Variants in KRT1 observed in about 807,000 individuals in gnomAD.
KRT1 encodes keratin 1, also known as keratin, type II cytoskeletal 1.
In KRT1, 28 loss-of-function variants were observed where a neutral mutation model predicts 51.6. That is an observed-to-expected ratio of 0.54 (90% confidence interval 0.40 to 0.74). The LOEUF (loss-of-function observed/expected upper bound fraction) is 0.74. Among genes scored for constraint, KRT1 ranks in the 30% least tolerant of loss-of-function variants. The pLI, the probability that KRT1 is intolerant of heterozygous loss-of-function variation, is 0.00. For missense variants in KRT1, 783 were observed against 815.5 expected, an observed-to-expected ratio of 0.96 and a Z score of 0.49; for synonymous variants, 301 against 307.7, an observed-to-expected ratio of 0.98 and a Z score of 0.23.
chr12:52,675,320 C>T lies in KRT1; in HGVS notation c.1808G>A (p.Gly603Asp), dbSNP rs1266622092. Reference sequence around the variant, plus strand: ...GCCTCCAGAGCTCCCGCCGCCAGAGCCCCGGCCGCCAGAGCTGCCGCCGCC... The same window carrying T: ...GCCTCCAGAGCTCCCGCCGCCAGAGTCCCGGCCGCCAGAGCTGCCGCCGCC... ...GGGGGSSGGR[G>D]SGGGSSGGSI... The change falls in exon 9 of 9, where the codon GGC becomes GAC. Residue 603 changes from glycine (G) to aspartate (D), a missense_variant. By Grantham distance (94) the Gly-to-Asp change is moderately conservative (BLOSUM62 -1). Coordinates refer to ENST00000252244, the MANE Select transcript of KRT1 (RefSeq NM_006121.4). 1.2e-6 allele frequency: 2 copies of T among 1,612,142 alleles called. No individual in the cohort carries two copies. Among genetic ancestry groups the T allele is most frequent in the Non-Finnish European group, 1.7e-6 (2 of 1,179,704 alleles).
chr12:52,675,795 G>T (rs773784621), intron 7 of KRT1, 51 bp from the exon 8 acceptor site: 49 of 1,601,462 alleles, frequency 3.1e-5, no homozygotes, highest in South Asian at 2.8e-4. Flanking sequence ...TTCCCAAACC[G>T]CTTCCCCATT....
In KRT1 at chr12:52,680,381, G is replaced by T; in HGVS notation, c.-33C>A. 6.3e-7 allele frequency: 1 copy of T among 1,586,446 alleles called. No individual in the cohort carries two copies. The highest frequency in any genetic ancestry group is 8.6e-7 in the Non-Finnish European group (1 of 1,156,832). On this transcript the variant is annotated 5_prime_UTR_variant, in exon 1 of 9. Coordinates refer to ENST00000252244, the MANE Select transcript of KRT1 (RefSeq NM_006121.4). ...TAGAGAAAAGTAGGAGCAAGGTAGA[G>T]TAAGGGAAGGAGCTAAACACTCCTC...
intron 3 of KRT1, among the ~76,000 whole-genome samples, 157 bp from the exon 4 acceptor site, chr12:52,677,902 G>T (rs542030436): frequency 6.6e-6 from 1 of 152,110 alleles, no homozygotes; most frequent in Admixed American, 6.5e-5. Flanking sequence ...TCCCACCCCC[G>T]GATAGCACCA....
At chr12:52,679,699 T>C in intron 1 of KRT1, 59 bp downstream of exon 1, 1 of 1,458,440 alleles carries the variant, frequency 6.9e-7, no homozygotes, top group South Asian at 1.1e-5. Context: ...GTGTTTTGAC[T>C]GCACCAATCC....
intron 7 of KRT1, 120 bp downstream of exon 7, chr12:52,676,155 C>G: frequency 1.1e-6 from 1 of 878,480 alleles, no homozygotes. Context: ...GCTCCGTGTA[C>G]TTTTCATTTC....
intron 1 of KRT1, 21 bp from the exon 2 acceptor site, chr12:52,678,777 T>C: frequency 1.9e-6 from 3 of 1,606,212 alleles, no homozygotes; most frequent in Non-Finnish European, 2.6e-6. Context: ...AAGACCCCTT[T>C]ACTCCTGATG....
intron 1 of KRT1, among the ~76,000 whole-genome samples, chr12:52,679,504 T>C (rs1287776446): frequency 6.6e-6 from 1 of 152,198 alleles, no homozygotes; most frequent in Non-Finnish European, 1.5e-5. Context: ...GCTCAAGAGC[T>C]GAATAAAAAG....
intron 6 of KRT1, 43 bp downstream of exon 6, chr12:52,677,016 C>T: frequency 1.2e-6 from 2 of 1,608,144 alleles, no homozygotes; most frequent in Non-Finnish European, 1.7e-6. Context: ...TGAGGGTTAC[C>T]CCCATTCCAT....
At position 52,678,549 on chromosome 12, in the gene KRT1, G is replaced by A. The variant is rs369367702; in HGVS notation, c.799C>T (p.Arg267Trp). 16 of 1,614,114 alleles carry A rather than the reference G, an allele frequency of 9.9e-6. No homozygotes were observed. Among genetic ancestry groups the A allele is most frequent in the Non-Finnish European group, 1.3e-5 (15 of 1,179,996 alleles). The change falls in exon 2 of 9, where the codon CGG (arginine) becomes TGG (tryptophan). Residue 267 changes from arginine to tryptophan, a missense_variant. Physicochemically the swap from Arg to Trp is moderately radical, Grantham distance 101. Coordinates refer to ENST00000252244, the MANE Select transcript of KRT1 (RefSeq NM_006121.4). ...CCAGACAGGGTCCCTTACTTGTTCCGGTAATCCTCCACCATGTCCTGCATG... is the reference window on the plus strand; with the variant it reads ...CCAGACAGGGTCCCTTACTTGTTCCAGTAATCCTCCACCATGTCCTGCATG... Reference protein sequence around the residue: ...KNMQDMVEDYRNKYEDEINKR... With the variant: ...KNMQDMVEDYWNKYEDEINKR...
rs777269569 is a variant in KRT1 at position 52,675,758 on chromosome 12, T to C, written c.1476-14A>G. On this transcript the variant is annotated splice_polypyrimidine_tract_variant and intron_variant, in intron 7 of 8. Coordinates refer to ENST00000252244, the MANE Select transcript of KRT1 (RefSeq NM_006121.4). ...TCTCCAGACATCCTGTAGGAGAAAA[T>C]AAGAAAATTCCTCAGGACACTCCAG... is the stretch of plus-strand genomic sequence containing the variant. 2 of 1,613,872 alleles carry C rather than the reference T, an allele frequency of 1.2e-6. No individual in the cohort carries two copies. The highest frequency in any genetic ancestry group is 1.7e-6 in the Non-Finnish European group (2 of 1,179,990).
At chr12:52,677,243 A>C in intron 5 of KRT1, 59 bp from the exon 6 acceptor site, 1 of 1,614,210 alleles carries the variant, frequency 6.2e-7, no homozygotes, top group Non-Finnish European at 8.5e-7. Context: ...GCACAGGCAC[A>C]CATACATGAG....
chr12:52,677,185 C>T lies in KRT1; in HGVS notation c.1129-1G>A. On this transcript the variant is annotated splice_acceptor_variant, in intron 5 of 8. Coordinates refer to ENST00000252244, the MANE Select transcript of KRT1 (RefSeq NM_006121.4). LOFTEE classifies it high-confidence loss of function. Reference sequence around the variant, plus strand: ...CAGCAGTGATCTGCAGCTCTTCATACTAAAGATGGTAGATAGCGTTTGTTA... The same window carrying T: ...CAGCAGTGATCTGCAGCTCTTCATATTAAAGATGGTAGATAGCGTTTGTTA... 6.2e-7 allele frequency: 1 copy of T among 1,614,212 alleles called. No homozygotes were observed. Among genetic ancestry groups the T allele is most frequent in the Non-Finnish European group, 8.5e-7 (1 of 1,180,046 alleles).
chr12:52,676,571 C>G, intron 6 of KRT1, 76 bp from the exon 7 acceptor site: 1 of 1,411,066 alleles, frequency 7.1e-7, no homozygotes, highest in Non-Finnish European at 9.9e-7. Flanking sequence ...TCTCCCCACT[C>G]CAGTGAGGCC....
At chr12:52,675,806 C>T (rs1479501172) in intron 7 of KRT1, 62 bp from the exon 8 acceptor site, 2 of 1,577,660 alleles carry the variant, frequency 1.3e-6, no homozygotes, top group Non-Finnish European at 1.7e-6. Context: ...CTTCCCCATT[C>T]CCCGCTCCAC....
rs34154891 is a variant in KRT1 at position 52,675,714 on chromosome 12, A to G, written c.1506T>C (p.Ser502=). ...GAGAAATCGACTTGTACTTACACAC[A>G]CTCACGTTCGGGGCACATTCTCCAG... ...RMSGECAPNV[S]VSVSTSHTTI... is the part of the protein sequence containing the mutation. Residue 502 remains serine, a synonymous_variant, in exon 8 of 9, where the codon AGT becomes AGC. Transcript: ENST00000252244. The G allele has an allele frequency of 1.8e-3, 2,930 of 1,614,110 alleles. 51 individuals are homozygous for G. In the African/African-American group the frequency reaches 0.035, roughly 19 times the overall value.
intron 2 of KRT1, 110 bp downstream of exon 2, chr12:52,678,432 C>T (rs555530866): frequency 8.4e-7 from 1 of 1,188,558 alleles, no homozygotes; most frequent in Admixed American, 1.7e-5. Flanking sequence ...ACTGATGTGC[C>T]TCTAACCTAA....
In KRT1 at chr12:52,677,415, G is replaced by A. The variant is rs1372359654; in HGVS notation, c.1029C>T (p.Arg343=). The A allele has an allele frequency of 1.2e-6, 2 of 1,614,228 alleles. No homozygotes were observed. Among genetic ancestry groups the A allele is most frequent in the Admixed American group, 3.3e-5 (2 of 60,030 alleles). Reference sequence around the variant, plus strand: ...CAATGATGCTGTCCAGGTCGAGACTGCGGTTGTTGTCCATAGAGAGGATGA... The same window carrying A: ...CAATGATGCTGTCCAGGTCGAGACTACGGTTGTTGTCCATAGAGAGGATGA... ...TNVILSMDNN[R]SLDLDSIIAE... The change falls in exon 5 of 9, where the codon CGC becomes CGT. Residue 343 remains arginine (R), a synonymous_variant. Transcript: ENST00000252244.
At position 52,674,806 on chromosome 12, in the gene KRT1, A is replaced by T; in HGVS notation, c.*387T>A. ...TTTAAGACCTCTCCACAAAAGAAAA[A>T]CAACTTGCTTACACCTTATGTACAA... On this transcript the variant is annotated 3_prime_UTR_variant, in exon 9 of 9. Coordinates refer to ENST00000252244, the MANE Select transcript of KRT1 (RefSeq NM_006121.4). 1 of 310,364 alleles carries T rather than the reference A, an allele frequency of 3.2e-6. No homozygotes were observed. Among genetic ancestry groups the T allele is most frequent in the Non-Finnish European group, 6.0e-6 (1 of 165,924 alleles). 19.2% of individuals were successfully genotyped at this position (310,364 alleles called of 1,614,324 possible).
intron 7 of KRT1, 126 bp downstream of exon 7, chr12:52,676,149 C>T (rs910500764): frequency 1.9e-5 from 16 of 840,524 alleles, no homozygotes; most frequent in Middle Eastern, 2.9e-4. Context: ...CCTCCTGCTC[C>T]GTGTACTTTT....
Sources: gnomAD v4.1 joint callset for allele counts (sites outside exome capture counted in the v4.1 genomes callset) on GRCh38, gnomAD v4.1.1 for gene constraint, MANE v1.5 for transcripts, NCBI Gene and HGNC (gene_info 2026-07-23, HGNC 2026-07-21) for gene names.